Variants in EPS8 observed in about 807,000 individuals in gnomAD.
The protein encoded by EPS8 is epidermal growth factor receptor kinase substrate 8.
In EPS8, 42 loss-of-function variants were observed where a neutral mutation model predicts 103.8. The ratio of observed to expected loss-of-function variants is 0.40; its 90% CI spans 0.32 to 0.52. The LOEUF is 0.52. Ranked by LOEUF, EPS8 falls within the 20% of genes least tolerant of loss-of-function variation. The pLI is 0.40. For missense variants in EPS8, 969 were observed against 1,005.1 expected, an observed-to-expected ratio of 0.96 and a Z score of 0.49; for synonymous variants, 344 against 344.6, an observed-to-expected ratio of 1.00 and a Z score of 0.02.
Position 15,666,474 on chromosome 12 carries a change from C to T in EPS8, c.565G>A (p.Gly189Arg). The T allele has an allele frequency of 1.2e-6, 2 of 1,613,978 alleles. No individual in the cohort carries two copies. The highest frequency in any genetic ancestry group is 1.1e-5 in the South Asian group (1 of 91,078). ...TCGGGCCGCCTCTTCTGTTTCCCTC[C>T]TTTACTGTCACTGATTGCACTTTCA... is the stretch of plus-strand genomic sequence containing the variant. ...DIESAISDSKGGKQKRRPDAL... is the reference protein window; with the variant it reads ...DIESAISDSKRGKQKRRPDAL... The change falls in exon 7 of 21, where the codon GGA (glycine) becomes AGA (arginine). Residue 189 changes from glycine to arginine, a missense_variant. Physicochemically the swap from Gly to Arg is moderately radical, Grantham distance 125. Coordinates refer to ENST00000281172, the MANE Select transcript of EPS8 (RefSeq NM_004447.6).
At chr12:15,754,771 T>A (rs1315057777) in intron 1 of EPS8, among the ~76,000 whole-genome samples, 3 of 152,196 alleles carry the variant, frequency 2.0e-5, no homozygotes, top group Non-Finnish European at 4.4e-5. Context: ...GCTTACAAAA[T>A]TAGAACAACA....
At chr12:15,788,810 C>T (rs1258974969) in intron 1 of EPS8, among the ~76,000 whole-genome samples, 1 of 152,172 alleles carries the variant, frequency 6.6e-6, no homozygotes, top group African/African-American at 2.4e-5. Context: ...TCGGGATACT[C>T]GGTCTGCAGT....
chr12:15,718,648 G>A (rs1408843122), intron 1 of EPS8, among the ~76,000 whole-genome samples: 4 of 152,130 alleles, frequency 2.6e-5, no homozygotes, highest in Admixed American at 6.5e-5. Context: ...TTAGCTTGAT[G>A]AGTGCATATC....
intron 1 of EPS8, among the ~76,000 whole-genome samples, chr12:15,686,274 T>C (rs1034048079): frequency 4.6e-5 from 7 of 152,330 alleles, no homozygotes; most frequent in Middle Eastern, 3.4e-3. Context: ...ATATAATACA[T>C]ATACAAAATA....
In EPS8 at chr12:15,778,774, G is replaced by A. The variant is rs1184646237; in HGVS notation, c.-22+10387C>T. ...ACAAGCTGTTCATGCCTTTATGGGG[G>A]GAATAAAGGTAGTAAATCTACTTAA... is the stretch of plus-strand genomic sequence containing the variant. On this transcript the variant is annotated intron_variant, in intron 1 of 20. Coordinates refer to ENST00000281172, the MANE Select transcript of EPS8 (RefSeq NM_004447.6). The surrounding 1 kb of genome is among the most constrained non-coding windows in gnomAD (Gnocchi z 4.5). 6.6e-6 allele frequency among the ~76,000 whole-genome samples: 1 copy of A among 152,110 alleles called. No individual in the cohort carries two copies. Among genetic ancestry groups the A allele is most frequent in the Non-Finnish European group, 1.5e-5 (1 of 68,016 alleles).
rs1255032662 is a variant in EPS8, at chr12:15,768,971, T to TA, written c.-22+20189dup. On this transcript the variant is annotated intron_variant, in intron 1 of 20. Transcript: ENST00000281172. ...ATGAAATTATAATCACCTGAGCTTT[T>TA]AAAAAATAAAAATTAGGCACAAATA... Among the ~76,000 whole-genome samples the TA allele has an allele frequency of 1.3e-5, 2 of 152,270 alleles. 1 individual carries two copies. The highest frequency in any genetic ancestry group is 4.8e-5 in the African/African-American group (2 of 41,554).
At position 15,665,737 on chromosome 12, in the gene EPS8, T is replaced by A; in HGVS notation, c.736+19A>T. 1 of 1,612,870 alleles carries A rather than the reference T, an allele frequency of 6.2e-7. No individual in the cohort carries two copies. Among genetic ancestry groups the A allele is most frequent in the Non-Finnish European group, 8.5e-7 (1 of 1,179,526 alleles). The stretch of plus-strand genomic sequence containing the variant: ...CCCAAAGTAAGTGTTCAATAAGTAT[T>A]AATTCTAGGAAGACTCACAGTCCCC... On this transcript the variant is annotated intron_variant, in intron 8 of 20. Coordinates refer to ENST00000281172, the MANE Select transcript of EPS8 (RefSeq NM_004447.6).
intron 15 of EPS8, among the ~76,000 whole-genome samples, chr12:15,643,070 TC>T (rs1197449871): frequency 6.6e-6 from 1 of 152,188 alleles, no homozygotes; most frequent in Non-Finnish European, 1.5e-5. Context: ...CCCATCCCTA[TC>T]CCTACTGGAA....
chr12:15,779,612 T>C lies in EPS8; in HGVS notation c.-22+9549A>G, dbSNP rs1423489694. Among the ~76,000 whole-genome samples, 1 of 152,206 alleles carries C rather than the reference T, an allele frequency of 6.6e-6. No individual in the cohort carries two copies. Among genetic ancestry groups the C allele is most frequent in the Non-Finnish European group, 1.5e-5 (1 of 68,036 alleles). ...TCTATAATAAGGAATAACTTAGTAA[T>C]ATTCTAATGGTGTTAACAGAAGATA... On this transcript the variant is annotated intron_variant, in intron 1 of 20. Transcript: ENST00000281172. The surrounding 1 kb of genome is among the most constrained non-coding windows in gnomAD (Gnocchi z 4.3).
Position 15,769,118 on chromosome 12 carries a change from A to G in EPS8, c.-22+20043T>C, listed in dbSNP as rs1367576493. Among the ~76,000 whole-genome samples the G allele has an allele frequency of 6.6e-6, 1 of 152,156 alleles. No homozygotes were observed. Among genetic ancestry groups the G allele is most frequent in the Admixed American group, 6.6e-5 (1 of 15,266 alleles). ...AGCCTCATCTCTCTCCCTGTCACCC[A>G]TAAAATCTCACTTTATGTTCCATTA... On this transcript the variant is annotated intron_variant, in intron 1 of 20. Transcript: ENST00000281172. This position sits in a 1 kb window ranked among gnomAD's most constrained non-coding sequence, Gnocchi z 4.6.
At chr12:15,720,296 G>C (rs1265041316) in intron 1 of EPS8, among the ~76,000 whole-genome samples, 2 of 152,006 alleles carry the variant, frequency 1.3e-5, no homozygotes, top group African/African-American at 4.8e-5. Flanking sequence ...ATAACACTTG[G>C]GATCAGATGA....
Position 15,647,199 on chromosome 12 carries a change from G to A in EPS8, c.1496C>T (p.Thr499Ile). 3 of 1,613,954 alleles carry A rather than the reference G, an allele frequency of 1.9e-6. No individual in the cohort carries two copies. The highest frequency in any genetic ancestry group is 2.5e-6 in the Non-Finnish European group (3 of 1,179,850). The change falls in exon 15 of 21, where the codon ACA becomes ATA. Residue 499 changes from threonine (T) to isoleucine (I), a missense_variant. Thr to Ile is a moderately conservative substitution (Grantham distance 89, BLOSUM62 -1). Transcript: ENST00000281172. ...CCCTTGGTCCAGGTGGGATCCTCTTGTGTAAATGTTGCTACTGAACGCATA... is the reference window on the plus strand; with the variant it reads ...CCCTTGGTCCAGGTGGGATCCTCTTATGTAAATGTTGCTACTGAACGCATA... Reference protein sequence around the residue: ...DGYAFSSNIYTRGSHLDQGEA... With the variant: ...DGYAFSSNIYIRGSHLDQGEA...
chr12:15,641,639 G>T, intron 16 of EPS8, 83 bp downstream of exon 16: 3 of 588,544 alleles, frequency 5.1e-6, no homozygotes, highest in Non-Finnish European at 5.7e-6. Context: ...TAATACTTTT[G>T]AAGGAAAGTT....
chr12:15,650,277 T>G (rs1181585163), intron 14 of EPS8, among the ~76,000 whole-genome samples: 2 of 152,104 alleles, frequency 1.3e-5, no homozygotes, highest in African/African-American at 2.4e-5. Context: ...CTGATAGGAC[T>G]CCAGAGTTTT....
Position 15,681,316 on chromosome 12 carries a change from A to G in EPS8, c.60-14T>C, listed in dbSNP as rs768353435. 1 of 985,024 alleles carries G rather than the reference A, an allele frequency of 1.0e-6. No individual in the cohort carries two copies. The highest frequency in any genetic ancestry group is 1.4e-6 in the Non-Finnish European group (1 of 734,882). The allele number at this position is 985,024 out of a possible 1,614,324, so 61.0% of individuals were successfully genotyped here. On this transcript the variant is annotated splice_polypyrimidine_tract_variant and intron_variant, in intron 2 of 20. Coordinates refer to ENST00000281172, the MANE Select transcript of EPS8 (RefSeq NM_004447.6). ...GATCCGTAGCCACTGTAATAATAAT[A>G]ATAATAATAATAATAATAATATAAA...
chr12:15,740,788 C>T lies in EPS8; in HGVS notation c.-22+48373G>A, dbSNP rs114998156. Among the ~76,000 whole-genome samples the T allele has an allele frequency of 5.7e-3, 866 of 152,130 alleles. 7 individuals carry two copies. The highest frequency in any genetic ancestry group is 0.02 in the African/African-American group (824 of 41,502). On this transcript the variant is annotated intron_variant, in intron 1 of 20. Transcript: ENST00000281172. ...ATCAACTACTCTGAGCCTCAGTCTC[C>T]AGTATGTAAAATAGAAACAATAATA...
At chr12:15,739,667 C>T (rs1039422453) in intron 1 of EPS8, among the ~76,000 whole-genome samples, 1 of 152,144 alleles carries the variant, frequency 6.6e-6, no homozygotes, top group African/African-American at 2.4e-5. Context: ...CCCTGGTTCA[C>T]CATCAACTTC....
Position 15,738,312 on chromosome 12 carries a change from T to C in EPS8, c.-22+50849A>G, listed in dbSNP as rs1946786739. 1.3e-5 allele frequency among the ~76,000 whole-genome samples: 2 copies of C among 152,166 alleles called. No homozygotes were observed. Among genetic ancestry groups the C allele is most frequent in the African/African-American group, 4.8e-5 (2 of 41,454 alleles). On this transcript the variant is annotated intron_variant, in intron 1 of 20. Coordinates refer to ENST00000281172, the MANE Select transcript of EPS8 (RefSeq NM_004447.6). This position sits in a 1 kb window ranked among gnomAD's most constrained non-coding sequence, Gnocchi z 6.2. ...GAAACCCTTTTGCACATTGCAGATA[T>C]AGGTAGTCTTCACATAATTAACAAG...
chr12:15,669,782 G>C lies in EPS8; in HGVS notation c.248C>G (p.Thr83Ser). Reference protein sequence around the residue: ...FVLDRKDAMITVDDGIRKLKL... With the variant: ...FVLDRKDAMISVDDGIRKLKL... Reference sequence around the variant, plus strand: ...CAATTTCCTTATTCCATCATCAACAGTGATCATAGCATCTTTCCGATCCAG... The same window carrying C: ...CAATTTCCTTATTCCATCATCAACACTGATCATAGCATCTTTCCGATCCAG... The change falls in exon 5 of 21, where the codon ACT becomes AGT. Residue 83 changes from threonine (T) to serine (S), a missense_variant. Coordinates refer to ENST00000281172, the MANE Select transcript of EPS8 (RefSeq NM_004447.6). 2 of 1,612,772 alleles carry C rather than the reference G, an allele frequency of 1.2e-6. No individual in the cohort carries two copies. Among genetic ancestry groups the C allele is most frequent in the Non-Finnish European group, 1.7e-6 (2 of 1,179,622 alleles).
Sources: gnomAD v4.1 joint callset for allele counts (sites outside exome capture counted in the v4.1 genomes callset) on GRCh38, gnomAD v4.1.1 for gene constraint, Gnocchi (gnomAD v3.1) non-coding constraint, MANE v1.5 for transcripts, NCBI Gene and HGNC (gene_info 2026-07-23, HGNC 2026-07-21) for gene names.